MYO5A: variants seen among roughly 807,000 people sequenced by gnomAD.
MYO5A encodes the protein unconventional myosin-Va.
MYO5A carries 98 observed loss-of-function variants against 249.7 expected under a neutral mutation model. The ratio of observed to expected loss-of-function variants is 0.39; its 90% CI spans 0.33 to 0.46. The LOEUF is 0.46. Ranked by LOEUF, MYO5A falls within the 20% of genes least tolerant of loss-of-function variation. The pLI is 0.98. For synonymous variants in MYO5A, 778 were observed against 810.6 expected (o/e 0.96, Z 0.68); for missense variants, 1,696 against 2,308.8 (o/e 0.73, Z 5.44).
In MYO5A at chr15:52,391,785, T is replaced by C. The variant is rs1029831203; in HGVS notation, c.1542+145A>G. ...TAATTAGAACCCTTGGGGTCTAGTG[T>C]CCCTTTGGAATGAAAGCATAACCCC... is the stretch of plus-strand genomic sequence containing the variant. On this transcript the variant is annotated intron_variant, in intron 12 of 41. Coordinates refer to ENST00000399233, the MANE Select transcript of MYO5A (RefSeq NM_001382347.1). The C allele has an allele frequency of 3.9e-6, 3 of 760,354 alleles. No homozygotes were observed. The Middle Eastern group carries it at 7.3e-4, about 184-fold the overall frequency. 47.1% of individuals were successfully genotyped at this position (760,354 alleles called of 1,614,324 possible). A position where few individuals can be genotyped will look rare whatever the true frequency, so the allele number is the denominator to read the frequency against.
chr15:52,406,474 T>C (rs765912360), intron 8 of MYO5A, among the ~76,000 whole-genome samples: 10 of 152,192 alleles, frequency 6.6e-5, no homozygotes, highest in Non-Finnish European at 1.2e-4. Flanking sequence ...AAAATGCAGA[T>C]TATGTTTCAG....
chr15:52,321,499 T>C lies in MYO5A; in HGVS notation c.4811A>G (p.Lys1604Arg). ...TTCATTCTGGCGAGATGTGTTGTGC[T>C]TCATAAAGCCCTAGAGTCATAAGGC... ...KQYSGEEGFM[K>R]HNTSRQNEHC... is the part of the protein sequence containing the mutation. Residue 1604 changes from lysine to arginine, a missense_variant, in exon 38 of 42, where the codon AAG becomes AGG. Coordinates refer to ENST00000399233, the MANE Select transcript of MYO5A (RefSeq NM_001382347.1). 5 of 1,614,222 alleles carry C rather than the reference T, an allele frequency of 3.1e-6. No individual in the cohort carries two copies. Among genetic ancestry groups the C allele is most frequent in the Middle Eastern group, 3.3e-4 (2 of 6,062 alleles).
At chr15:52,427,516 GA>G (rs144192879) in intron 3 of MYO5A, among the ~76,000 whole-genome samples, 3 of 151,596 alleles carry the variant, frequency 2.0e-5, no homozygotes, top group Non-Finnish European at 4.4e-5. Flanking sequence ...CATGTGCAAG[GA>G]AAAAAAATGG....
At chr15:52,527,016 T>TAA (rs141891590) in intron 1 of MYO5A, among the ~76,000 whole-genome samples, 2 of 149,734 alleles carry the variant, frequency 1.3e-5, no homozygotes, top group African/African-American at 2.5e-5. Flanking sequence ...AATGATGAGC[T>TAA]AAAAAAAAAA....
intron 7 of MYO5A, among the ~76,000 whole-genome samples, 172 bp downstream of exon 7, chr15:52,407,887 C>A (rs1026072794): frequency 6.6e-6 from 1 of 152,206 alleles, no homozygotes; most frequent in South Asian, 2.1e-4. Context: ...TATACAGCCA[C>A]TTACTCCTCC....
Position 52,370,416 on chromosome 15 carries a change from T to C in MYO5A, c.2819A>G (p.Asn940Ser). 6.2e-7 allele frequency: 1 copy of C among 1,609,834 alleles called. No individual in the cohort carries two copies. Among genetic ancestry groups the C allele is most frequent in the African/African-American group, 1.3e-5 (1 of 74,976 alleles). Reference protein sequence around the residue: ...MQLQRKVDEQNKDYKCLVEKL... With the variant: ...MQLQRKVDEQSKDYKCLVEKL... Reference sequence around the variant, plus strand: ...CTCCACAAGGCATTTGTAGTCTTTGTTCTTTAAACATACACATAAGTAACA... The same window carrying C: ...CTCCACAAGGCATTTGTAGTCTTTGCTCTTTAAACATACACATAAGTAACA... The change falls in exon 22 of 42, where the codon AAC becomes AGC. Residue 940 changes from asparagine (N) to serine (S), a missense_variant and splice_region_variant. Around this residue, in one of 5 missense-constraint regions of MYO5A, gnomAD observed 412 missense variants for 453.3 expected, o/e 0.91. Coordinates refer to ENST00000399233, the MANE Select transcript of MYO5A (RefSeq NM_001382347.1).
upstream of MYO5A, chr15:52,528,894 A>C (rs1354677283): frequency 2.4e-6 from 3 of 1,266,352 alleles, no homozygotes; most frequent in African/African-American, 1.6e-5. Flanking sequence ...AAGCGCCCGC[A>C]GCCGCCGGCA....
At chr15:52,374,833 G>A (rs1046536574) in intron 20 of MYO5A, among the ~76,000 whole-genome samples, 1 of 152,170 alleles carries the variant, frequency 6.6e-6, no homozygotes, top group Non-Finnish European at 1.5e-5. Flanking sequence ...CTGTTTTAAG[G>A]TAACAAGTTT....
chr15:52,384,015 A>T, intron 15 of MYO5A, 146 bp downstream of exon 15: 1 of 904,448 alleles, frequency 1.1e-6, no homozygotes, highest in Non-Finnish European at 1.7e-6. Flanking sequence ...GAAGAGTTTT[A>T]GTGGATGGTG....
intron 12 of MYO5A, among the ~76,000 whole-genome samples, chr15:52,390,142 A>G (rs1218429109): frequency 6.6e-6 from 1 of 152,204 alleles, no homozygotes; most frequent in Non-Finnish European, 1.5e-5. Context: ...GAGGCTAGGA[A>G]GGGTAGCAGG....
chr15:52,463,526 G>C (rs898564400), intron 1 of MYO5A, among the ~76,000 whole-genome samples: 2 of 151,388 alleles, frequency 1.3e-5, no homozygotes. Context: ...CATTTTCTTA[G>C]TTATTTAAAC....
chr15:52,401,092 A>G (rs1595602343), intron 9 of MYO5A, among the ~76,000 whole-genome samples: 1 of 69,694 alleles, frequency 1.4e-5, no homozygotes. Context: ...TTTTTTTTTG[A>G]GACAGTCTTG....
chr15:52,402,985 T>C (rs911925890), intron 9 of MYO5A, among the ~76,000 whole-genome samples: 5 of 152,078 alleles, frequency 3.3e-5, no homozygotes, highest in African/African-American at 1.2e-4. Context: ...GGTTAGAAAA[T>C]AAAAATCATA....
intron 4 of MYO5A, among the ~76,000 whole-genome samples, chr15:52,420,945 C>T (rs2043757539): frequency 1.3e-5 from 2 of 152,148 alleles, no homozygotes; most frequent in Non-Finnish European, 2.9e-5. Flanking sequence ...ATGGCCTGGA[C>T]AAGCTACTTT....
intron 35 of MYO5A, 62 bp downstream of exon 35, chr15:52,330,291 G>C (rs1780651658): frequency 6.2e-7 from 1 of 1,603,812 alleles, no homozygotes; most frequent in Non-Finnish European, 8.5e-7. Flanking sequence ...TTAGTGACTA[G>C]TTTTTCCCAC....
At chr15:52,319,962 G>T (rs1375427042) in intron 38 of MYO5A, among the ~76,000 whole-genome samples, 1 of 152,198 alleles carries the variant, frequency 6.6e-6, no homozygotes, top group Non-Finnish European at 1.5e-5. Flanking sequence ...GTGGTAGGTA[G>T]CAGTTCGGGT....
intron 1 of MYO5A, among the ~76,000 whole-genome samples, chr15:52,465,958 G>C (rs1332206318): frequency 6.6e-6 from 1 of 152,042 alleles, no homozygotes; most frequent in Admixed American, 6.5e-5. Context: ...CAAAAACCAG[G>C]AGTGAATCCC....
chr15:52,463,988 CT>C (rs1287840722), intron 1 of MYO5A, among the ~76,000 whole-genome samples: 1 of 152,214 alleles, frequency 6.6e-6, no homozygotes, highest in Non-Finnish European at 1.5e-5. Context: ...AACATGGGCT[CT>C]GGAGTTAGAC....
At chr15:52,348,647 C>T (rs2039777669) in intron 29 of MYO5A, among the ~76,000 whole-genome samples, 171 bp downstream of exon 29, 1 of 152,154 alleles carries the variant, frequency 6.6e-6, no homozygotes, top group African/African-American at 2.4e-5. Flanking sequence ...CCACTGTTTC[C>T]CTACTGACTT....
Sources: allele counts gnomAD v4.1 joint callset (sites outside exome capture counted in the v4.1 genomes callset), GRCh38; gene constraint gnomAD v4.1.1; regional missense constraint gnomAD v4.1.1; transcripts MANE v1.5; gene names NCBI Gene and HGNC (gene_info 2026-07-23, HGNC 2026-07-21).